The following TPM4 variants were observed in gnomAD, a reference collection of about 807,000 sequenced individuals.
TPM4 encodes tropomyosin 4.
In TPM4, 17 loss-of-function variants were observed where a neutral mutation model predicts 35.8. The observed-to-expected ratio is 0.47, with a 90% CI of 0.32 to 0.71. The LOEUF is 0.71. Ranked by LOEUF, TPM4 falls within the 30% of genes least tolerant of loss-of-function variation. The pLI is 0.03. For missense variants in TPM4, 240 were observed against 320.9 expected, an observed-to-expected ratio of 0.75 and a Z score of 1.93; for synonymous variants, 120 against 122.9, an observed-to-expected ratio of 0.98 and a Z score of 0.15.
upstream of TPM4, among the ~76,000 whole-genome samples, chr19:16,073,247 A>C (rs1312150944): frequency 3.3e-5 from 5 of 152,218 alleles, no homozygotes; most frequent in Non-Finnish European, 7.3e-5. Flanking sequence ...CCATGCTGTC[A>C]GATTTGCTCT....
Position 16,081,768 on chromosome 19 carries a change from T to C in TPM4, c.133-145T>C. The C allele has an allele frequency of 3.7e-6, 4 of 1,067,852 alleles. No homozygotes were observed. The South Asian group carries it at 1.1e-4, about 30-fold the overall frequency. The allele number at this position is 1,067,852 out of a possible 1,614,324, so 66.1% of individuals were successfully genotyped here. Reference sequence around the variant, plus strand: ...CGGGAAGATCATACTGAAATTTTGGTATGAGTGTAAATTCCCTATGGCCTG... The same window carrying C: ...CGGGAAGATCATACTGAAATTTTGGCATGAGTGTAAATTCCCTATGGCCTG... On this transcript the variant is annotated intron_variant, in intron 1 of 7. Transcript: ENST00000643579.
In TPM4 at chr19:16,101,775, G is replaced by A. The variant is rs915884285; in HGVS notation, c.*429G>A. ...GGGTCAACTGTTGGTCAAACTATAG[G>A]AGAGACCAGGGACCATCACATGGGT... On this transcript the variant is annotated 3_prime_UTR_variant, in exon 8 of 8. Coordinates refer to ENST00000643579, the MANE Select transcript of TPM4 (RefSeq NM_003290.3). 2.1e-5 allele frequency: 5 copies of A among 232,858 alleles called. No individual in the cohort carries two copies. In the Admixed American group the frequency reaches 2.7e-4, roughly 13 times the overall value. The allele number at this position is 232,858 out of a possible 1,614,324, so 14.4% of individuals were successfully genotyped here.
intron 7 of TPM4, among the ~76,000 whole-genome samples, chr19:16,096,709 G>C (rs1053433822): frequency 6.6e-6 from 1 of 152,118 alleles, no homozygotes; most frequent in Non-Finnish European, 1.5e-5. Flanking sequence ...GGAGTGAACG[G>C]GCCTCCATGA....
intron 5 of TPM4, among the ~76,000 whole-genome samples, chr19:16,091,541 G>A (rs1301411138): frequency 6.6e-6 from 1 of 152,196 alleles, no homozygotes; most frequent in Non-Finnish European, 1.5e-5. Context: ...TTAGGAAGCC[G>A]AGGCGGGAGG....
chr19:16,069,188 T>C (rs541412247), intron 2 of TPM4, among the ~76,000 whole-genome samples: 3 of 152,224 alleles, frequency 2.0e-5, no homozygotes, highest in Non-Finnish European at 4.4e-5. Flanking sequence ...TTCTGTTGTG[T>C]GTATTGGTGA....
intron 4 of TPM4, 89 bp downstream of exon 4, chr19:16,088,186 CG>C: frequency 6.6e-7 from 1 of 1,524,546 alleles, no homozygotes; most frequent in Non-Finnish European, 8.9e-7. Flanking sequence ...TGGCTCTGAC[CG>C]GGGTCTCTGC....
In TPM4 at chr19:16,093,559, T is replaced by C. The variant is rs983271573; in HGVS notation, c.555T>C (p.Tyr185=). ...AGTATTCTGAAAAGGAGGACAAATA[T>C]GAAGAAGAAATTAAACTTCTGTCTG... is the stretch of plus-strand genomic sequence containing the variant. ...SEKYSEKEDK[Y]EEEIKLLSDK... is the part of the protein sequence containing the mutation. Residue 185 remains tyrosine (Y), a synonymous_variant, in exon 6 of 8, where the codon TAT becomes TAC. Coordinates refer to ENST00000643579, the MANE Select transcript of TPM4 (RefSeq NM_003290.3). 8 of 1,614,024 alleles carry C rather than the reference T, an allele frequency of 5.0e-6. No homozygotes were observed. The highest frequency in any genetic ancestry group is 6.8e-6 in the Non-Finnish European group (8 of 1,180,042).
At chr19:16,099,240 C>T (rs762694831) in intron 7 of TPM4, among the ~76,000 whole-genome samples, 20 of 151,988 alleles carry the variant, frequency 1.3e-4, no homozygotes, top group Non-Finnish European at 2.1e-4. Flanking sequence ...CCACCACACC[C>T]GGCTAATTTT....
At chr19:16,095,391 C>T in intron 7 of TPM4, 2 of 1,033,376 alleles carry the variant, frequency 1.9e-6, no homozygotes, top group Non-Finnish European at 2.3e-6. Context: ...CATGGTGCCT[C>T]CTACGCCCCT....
chr19:16,069,716 GGTT>G (rs2090337264), intron 2 of TPM4, among the ~76,000 whole-genome samples: 1 of 150,002 alleles, frequency 6.7e-6, no homozygotes, highest in African/African-American at 2.5e-5. Flanking sequence ...GTTTTTATGG[GGTT>G]GCGTGTATGA....
At chr19:16,076,003 ACCC>A, upstream of TPM4, 1 of 1,406,986 alleles carries the variant, frequency 7.1e-7, no homozygotes, top group Non-Finnish European at 9.6e-7. Flanking sequence ...CGGGGACGTG[ACCC>A]CCCCCCCAGG....
Position 16,086,235 on chromosome 19 carries a change from A to T in TPM4, c.267-188A>T, listed in dbSNP as rs11667320. 0.058 allele frequency among the ~76,000 whole-genome samples: 8,702 copies of T among 148,762 alleles called. 342 individuals carry two copies. The highest frequency in any genetic ancestry group is 0.092 in the Middle Eastern group (25 of 272). The stretch of plus-strand genomic sequence containing the variant: ...CATGGTGACGGGTGCCTGTAATTCC[A>T]GCTACTCAGGAGGCTGAGGCAGGAG... On this transcript the variant is annotated intron_variant, in intron 2 of 7. Coordinates refer to ENST00000643579, the MANE Select transcript of TPM4 (RefSeq NM_003290.3).
chr19:16,095,298 T>C, intron 7 of TPM4: 2 of 1,035,164 alleles, frequency 1.9e-6, no homozygotes, highest in Non-Finnish European at 2.3e-6. Context: ...AGTACAAAGC[T>C]ATCAGCGAGG....
At chr19:16,096,969 T>TTTTTC (rs1568312345) in intron 7 of TPM4, among the ~76,000 whole-genome samples, 1 of 112,570 alleles carries the variant, frequency 8.9e-6, no homozygotes, top group African/African-American at 3.7e-5. Flanking sequence ...TTTTTTTTTT[T>TTTTTC]TCAAGACAGG....
At chr19:16,081,766 G>C in intron 1 of TPM4, 147 bp from the exon 2 acceptor site, 2 of 1,039,020 alleles carry the variant, frequency 1.9e-6, no homozygotes, top group Admixed American at 5.2e-5. Flanking sequence ...CTGAAATTTT[G>C]GTATGAGTGT....
upstream of TPM4, among the ~76,000 whole-genome samples, chr19:16,071,978 G>A (rs1307886800): frequency 1.3e-5 from 2 of 152,158 alleles, no homozygotes; most frequent in Non-Finnish European, 2.9e-5. Context: ...CGCGCCACCA[G>A]GCCCGGCTAA....
upstream of TPM4, chr19:16,076,054 A>G (rs1262257015): frequency 6.4e-7 from 1 of 1,559,028 alleles, no homozygotes; most frequent in Non-Finnish European, 8.7e-7. Context: ...CAGGTGGAGG[A>G]GGAGCTGACG....
intron 4 of TPM4, 106 bp downstream of exon 4, chr19:16,088,203 T>C: frequency 2.0e-6 from 3 of 1,486,606 alleles, no homozygotes; most frequent in Non-Finnish European, 2.7e-6. Flanking sequence ...TCTGCTCAAG[T>C]GGACGGGCGT....
At position 16,082,140 on chromosome 19, in the gene TPM4, A is replaced by G. The variant is rs1002930250; in HGVS notation, c.266+94A>G. 14 of 1,470,958 alleles carry G rather than the reference A, an allele frequency of 9.5e-6. 1 individual carries two copies. In the South Asian group the frequency reaches 1.1e-4, roughly 11 times the overall value. The allele number at this position is 1,470,958 out of a possible 1,614,324, so 91.1% of individuals were successfully genotyped here. On this transcript the variant is annotated intron_variant, in intron 2 of 7. Transcript: ENST00000643579. ...CGCAGAGCTGGTGTGAAAGTAAACA[A>G]GGTCACAAGGACATGCATGTGTCCA... is the stretch of plus-strand genomic sequence containing the variant.
Sources: gnomAD v4.1 joint callset for allele counts (sites outside exome capture counted in the v4.1 genomes callset) on GRCh38, gnomAD v4.1.1 for gene constraint, MANE v1.5 for transcripts, NCBI Gene and HGNC (gene_info 2026-07-23, HGNC 2026-07-21) for gene names.